Variants in RYR2 observed in about 807,000 individuals in gnomAD.
RYR2 encodes the protein ryanodine receptor 2.
RYR2 carries 227 observed loss-of-function variants against 601.1 expected under a neutral mutation model. That is an observed-to-expected ratio of 0.38 (90% confidence interval 0.34 to 0.42). The LOEUF (loss-of-function observed/expected upper bound fraction) is 0.42. Among genes scored for constraint, RYR2 ranks in the 10% least tolerant of loss-of-function variants. RYR2 has a pLI of 1.00. For synonymous variants in RYR2, 2,223 were observed against 2,175.1 expected, an observed-to-expected ratio of 1.02 and a Z score of -0.61; for missense variants, 4,646 against 6,156.5, an observed-to-expected ratio of 0.75 and a Z score of 8.21.
chr1:237,654,523 C>CGT, intron 52 of RYR2, 109 bp downstream of exon 52: 1 of 1,045,240 alleles, frequency 9.6e-7, no homozygotes, highest in Non-Finnish European at 1.3e-6. Flanking sequence ...AACCAAGACA[C>CGT]GTATGGCTTG....
intron 12 of RYR2, among the ~76,000 whole-genome samples, chr1:237,438,020 T>A (rs1170198447): frequency 9.7e-6 from 1 of 103,466 alleles, no homozygotes; most frequent in Non-Finnish European, 2.3e-5. Flanking sequence ...TTAATGGCAA[T>A]CTGATCTACA....
intron 1 of RYR2, among the ~76,000 whole-genome samples, chr1:237,146,814 C>A (rs561644417): frequency 6.6e-6 from 1 of 152,252 alleles, no homozygotes; most frequent in Non-Finnish European, 1.5e-5. Context: ...ACAGATTAAT[C>A]ATCCCATTTA....
At chr1:237,379,627 AT>A (rs1701289202) in intron 8 of RYR2, among the ~76,000 whole-genome samples, 1 of 151,982 alleles carries the variant, frequency 6.6e-6, no homozygotes, top group Admixed American at 6.6e-5. Flanking sequence ...TGTTTTTTTT[AT>A]TTTATTTTAT....
Position 237,730,724 on chromosome 1 carries a change from A to C in RYR2, c.10935+368A>C, listed in dbSNP as rs187099110. ...GAAGTTATCCACCTAAATTAAGTAG[A>C]AGGTGAACAAAAAATTGCTGGTTTT... On this transcript the variant is annotated intron_variant, in intron 77 of 104. Transcript: ENST00000366574. Among the ~76,000 whole-genome samples, 32 of 152,316 alleles carry C rather than the reference A, an allele frequency of 2.1e-4. 1 individual carries two copies. The East Asian group carries it at 3.5e-3, about 17-fold the overall frequency.
chr1:237,470,490 G>A (rs556549590), intron 17 of RYR2, among the ~76,000 whole-genome samples: 27 of 152,280 alleles, frequency 1.8e-4, no homozygotes, highest in African/African-American at 6.3e-4. Flanking sequence ...TTGAGTCATA[G>A]TGAGTTCTTG....
At position 237,814,771 on chromosome 1, in the gene RYR2, A is replaced by C. The variant is rs557322689; in HGVS notation, c.14434-4265A>C. Among the ~76,000 whole-genome samples the C allele has an allele frequency of 1.3e-4, 20 of 152,218 alleles. No individual in the cohort carries two copies. The South Asian group carries it at 4.1e-3, about 32-fold the overall frequency. On this transcript the variant is annotated intron_variant, in intron 100 of 104. Transcript: ENST00000366574. ...ATCTCAGATGGAGAGGGACCCCCTG[A>C]ACCAGAGGCTGCAGGGGAAGGTGTC...
chr1:237,542,357 A>T (rs908200873), intron 25 of RYR2, among the ~76,000 whole-genome samples: 5 of 152,054 alleles, frequency 3.3e-5, no homozygotes, highest in African/African-American at 1.2e-4. Flanking sequence ...CCTCCCATGT[A>T]TTATTAGTTC....
intron 74 of RYR2, 122 bp from the exon 75 acceptor site, chr1:237,726,151 C>T (rs1690175351): frequency 1.4e-6 from 1 of 708,516 alleles, no homozygotes; most frequent in Middle Eastern, 3.8e-4. Flanking sequence ...TAAACCACCG[C>T]AGTCCAAACA....
intron 27 of RYR2, 30 bp from the exon 28 acceptor site, chr1:237,566,537 G>T: frequency 6.2e-7 from 1 of 1,600,932 alleles, no homozygotes; most frequent in South Asian, 1.1e-5. Flanking sequence ...CCCATCCAAT[G>T]ACCACCAGAA....
intron 89 of RYR2, among the ~76,000 whole-genome samples, chr1:237,782,884 A>G (rs1695237452): frequency 6.6e-6 from 1 of 152,136 alleles, no homozygotes; most frequent in African/African-American, 2.4e-5. Flanking sequence ...AAACCCAACA[A>G]TGTGGCTCCA....
At chr1:237,772,723 T>C (rs1022035362) in intron 86 of RYR2, among the ~76,000 whole-genome samples, 2 of 152,054 alleles carry the variant, frequency 1.3e-5, no homozygotes, top group African/African-American at 4.8e-5. Flanking sequence ...ATGCAGACTT[T>C]CAGCTTTTTC....
intron 19 of RYR2, among the ~76,000 whole-genome samples, chr1:237,494,878 C>T (rs571913932): frequency 1.1e-4 from 17 of 152,194 alleles, no homozygotes; most frequent in African/African-American, 3.9e-4. Context: ...GCAATCTCTG[C>T]CTCCTGGGTT....
At chr1:237,782,178 C>CTTTTTTT (rs35521596) in intron 89 of RYR2, among the ~76,000 whole-genome samples, 1 of 119,148 alleles carries the variant, frequency 8.4e-6, no homozygotes, top group Non-Finnish European at 1.7e-5. Context: ...TTTGTTATTG[C>CTTTTTTT]TTTTTTTTTT....
intron 68 of RYR2, 119 bp downstream of exon 68, chr1:237,707,388 AT>A: frequency 1.8e-6 from 1 of 556,200 alleles, no homozygotes. Context: ...TTACTCAAAA[AT>A]ATTAGTATTT....
intron 1 of RYR2, among the ~76,000 whole-genome samples, chr1:237,231,843 G>A (rs1456538788): frequency 2.0e-5 from 3 of 152,138 alleles, no homozygotes; most frequent in Non-Finnish European, 4.4e-5. Context: ...CTTCTTCAAA[G>A]GAGGCAGCAT....
At chr1:237,665,724 T>G (rs1684268293) in intron 56 of RYR2, among the ~76,000 whole-genome samples, 1 of 152,334 alleles carries the variant, frequency 6.6e-6, no homozygotes, top group Admixed American at 6.5e-5. Context: ...TGTTATTAGT[T>G]ATAGCATATG....
At chr1:237,565,171 CTTTCTTTCTTTCTTTCTTT>C (rs1559035646) in intron 27 of RYR2, among the ~76,000 whole-genome samples, 1 of 30,838 alleles carries the variant, frequency 3.2e-5, no homozygotes, top group Non-Finnish European at 8.8e-5. Context: ...TTCTTTCTTT[CTTTCTTTCTTTCTTTCTTT>C]CTTTCTTTCT....
intron 1 of RYR2, among the ~76,000 whole-genome samples, chr1:237,136,362 C>CT (rs527318024): frequency 1.4e-3 from 214 of 152,248 alleles, no homozygotes; most frequent in African/African-American, 5.0e-3. Context: ...AATTCCCCTA[C>CT]TTTTTTCCCG....
At chr1:237,773,198 C>T (rs1028897284) in intron 86 of RYR2, among the ~76,000 whole-genome samples, 8 of 152,172 alleles carry the variant, frequency 5.3e-5, no homozygotes, top group African/African-American at 1.9e-4. Context: ...TAGTAAACAT[C>T]TAATTTTGCT....
Sources: gnomAD v4.1 joint callset for allele counts (sites outside exome capture counted in the v4.1 genomes callset) on GRCh38, gnomAD v4.1.1 for gene constraint, MANE v1.5 for transcripts, NCBI Gene and HGNC (gene_info 2026-07-23, HGNC 2026-07-21) for gene names.